The following COL1A1 variants were observed in gnomAD, a reference collection of about 807,000 sequenced individuals.
COL1A1 encodes the protein collagen alpha-1(I) chain.
In COL1A1, 21 loss-of-function variants were observed where a neutral mutation model predicts 195.7. The ratio of observed to expected loss-of-function variants is 0.11; its 90% CI spans 0.08 to 0.15. The LOEUF (loss-of-function observed/expected upper bound fraction) is 0.15. Among genes scored for constraint, COL1A1 ranks in the 10% least tolerant of loss-of-function variants. The pLI is 1.00. For missense variants in COL1A1, 1,365 were observed against 2,051.0 expected (o/e 0.67, Z 6.46); for synonymous variants, 749 against 747.3 (o/e 1.00, Z -0.04).
In COL1A1 at chr17:50,185,367, T is replaced by C; in HGVS notation, c.*135A>G. The stretch of plus-strand genomic sequence containing the variant: ...GAGAGATGAATGCAAAGGAAAAAAA[T>C]ATTTTCCAAAGTCCATGTGAAATTG... On this transcript the variant is annotated 3_prime_UTR_variant, in exon 51 of 51. Coordinates refer to ENST00000225964, the MANE Select transcript of COL1A1 (RefSeq NM_000088.4). 2 of 966,168 alleles carry C rather than the reference T, an allele frequency of 2.1e-6. No individual in the cohort carries two copies. The highest frequency in any genetic ancestry group is 3.1e-6 in the Non-Finnish European group (2 of 651,952). 59.8% of individuals were successfully genotyped at this position (966,168 alleles called of 1,614,324 possible).
rs766386485 is a variant in COL1A1 at position 50,185,635 on chromosome 17, G to A, written c.4262C>T (p.Ala1421Val). 8.1e-6 allele frequency: 13 copies of A among 1,613,880 alleles called. No homozygotes were observed. The highest frequency in any genetic ancestry group is 1.1e-5 in the Non-Finnish European group (13 of 1,180,012). Reference protein sequence around the residue: ...TVDGCTSHTGAWGKTVIEYKT... With the variant: ...TVDGCTSHTGVWGKTVIEYKT... ...GTATTCAATCACTGTCTTGCCCCAG[G>A]CTCCGGTGTGACTCTGGGGTGGGGC... is the stretch of plus-strand genomic sequence containing the variant. The change falls in exon 51 of 51, where the codon GCC becomes GTC. Residue 1421 changes from alanine (A) to valine (V), a missense_variant. Physicochemically the swap from Ala to Val is moderately conservative, Grantham distance 64 (BLOSUM62 0). Transcript: ENST00000225964.
Position 50,190,638 on chromosome 17 carries a change from T to A in COL1A1, c.2344-42A>T. On this transcript the variant is annotated intron_variant, in intron 33 of 50. Transcript: ENST00000225964. The surrounding 1 kb of genome is among the most constrained non-coding windows in gnomAD (Gnocchi z 4.7). The stretch of plus-strand genomic sequence containing the variant: ...AGAGGCTCAGGGTCAGGGCCTCCCC[T>A]GAATACTCCTAGTAGATGACCCCAG... 6.2e-7 allele frequency: 1 copy of A among 1,604,668 alleles called. No individual in the cohort carries two copies. Among genetic ancestry groups the A allele is most frequent in the Non-Finnish European group, 8.5e-7 (1 of 1,172,958 alleles).
intron 32 of COL1A1, 145 bp downstream of exon 32, chr17:50,191,238 A>G (rs1196023577): frequency 1.2e-6 from 1 of 830,832 alleles, no homozygotes; most frequent in African/African-American, 1.7e-5. Flanking sequence ...ATTCATCAGC[A>G]AAAAGGCCAG....
In COL1A1 at chr17:50,194,328, G is replaced by A; in HGVS notation, c.1614+21C>T. On this transcript the variant is annotated intron_variant, in intron 23 of 50. Coordinates refer to ENST00000225964, the MANE Select transcript of COL1A1 (RefSeq NM_000088.4). This position sits in a 1 kb window ranked among gnomAD's most constrained non-coding sequence, Gnocchi z 6.8. Reference sequence around the variant, plus strand: ...GATGGTCAGGGCCTGGCCAAGCCAGGCTGAAAGCCTGGGGCCTCACCTTGG... The same window carrying A: ...GATGGTCAGGGCCTGGCCAAGCCAGACTGAAAGCCTGGGGCCTCACCTTGG... The A allele has an allele frequency of 6.2e-7, 1 of 1,613,784 alleles. No individual in the cohort carries two copies. The highest frequency in any genetic ancestry group is 8.5e-7 in the Non-Finnish European group (1 of 1,179,800).
At position 50,193,005 on chromosome 17, in the gene COL1A1, G is replaced by C. The variant is rs868525869; in HGVS notation, c.1810C>G (p.Pro604Ala). 23 of 1,614,138 alleles carry C rather than the reference G, an allele frequency of 1.4e-5. No individual in the cohort carries two copies. Among genetic ancestry groups the C allele is most frequent in the Non-Finnish European group, 1.9e-5 (23 of 1,180,024 alleles). Reference protein sequence around the residue: ...KAGERGVPGPPGAVGPAGKDG... With the variant: ...KAGERGVPGPAGAVGPAGKDG... ...AAGGAGATACTTACGACAGCGCCAGGGGGTCCGGGAACACCTCGCTCTCCA... is the reference window on the plus strand; with the variant it reads ...AAGGAGATACTTACGACAGCGCCAGCGGGTCCGGGAACACCTCGCTCTCCA... The change falls in exon 26 of 51, where the codon CCT becomes GCT. Residue 604 changes from proline to alanine, a missense_variant. Transcript: ENST00000225964.
At chr17:50,196,904 C>T (rs1907638914) in intron 11 of COL1A1, 106 bp downstream of exon 11, 1 of 1,339,600 alleles carries the variant, frequency 7.5e-7, no homozygotes, top group Non-Finnish European at 1.1e-6. Flanking sequence ...ACTTCTGTAG[C>T]TGCCACCCAC....
At chr17:50,191,638 A>G in intron 31 of COL1A1, 148 bp from the exon 32 acceptor site, 5 of 1,103,114 alleles carry the variant, frequency 4.5e-6, no homozygotes, top group Non-Finnish European at 6.7e-6. Context: ...CCCAGACTCC[A>G]GGCTGTGTGT....
In COL1A1 at chr17:50,200,164, C is replaced by A. The variant is rs1265916962; in HGVS notation, c.104-217G>T. ...GGAGGCTGTAACTCTTTCCAGTTCT[C>A]AGGAATTTAAACAAAGCTTTAGTCC... On this transcript the variant is annotated intron_variant, in intron 1 of 50. Transcript: ENST00000225964. 4 of 605,048 alleles carry A rather than the reference C, an allele frequency of 6.6e-6. No homozygotes were observed. The Admixed American group carries it at 1.1e-4, about 17-fold the overall frequency. 37.5% of individuals were successfully genotyped at this position (605,048 alleles called of 1,614,324 possible). A position where few individuals can be genotyped will look rare whatever the true frequency, so the allele number is the denominator to read the frequency against.
chr17:50,190,639 G>A lies in COL1A1; in HGVS notation c.2344-43C>T, dbSNP rs773295886. On this transcript the variant is annotated intron_variant, in intron 33 of 50. Transcript: ENST00000225964. This position sits in a 1 kb window ranked among gnomAD's most constrained non-coding sequence, Gnocchi z 4.7. ...GAGGCTCAGGGTCAGGGCCTCCCCT[G>A]AATACTCCTAGTAGATGACCCCAGG... is the stretch of plus-strand genomic sequence containing the variant. 6.2e-7 allele frequency: 1 copy of A among 1,603,880 alleles called. No individual in the cohort carries two copies. Among genetic ancestry groups the A allele is most frequent in the East Asian group, 2.2e-5 (1 of 44,744 alleles).
rs1156313382 is a variant in COL1A1, at chr17:50,195,271, G to T, written c.1260C>A (p.Pro420=). ...GACCAGGAGGGCCGCCGGGGCCCTGGGGTCCAGAGGGGCCTCGGGCACCAG... is the reference window on the plus strand; with the variant it reads ...GACCAGGAGGGCCGCCGGGGCCCTGTGGTCCAGAGGGGCCTCGGGCACCAG... ...GFPGARGPSG[P]QGPGGPPGPK... The change falls in exon 19 of 51, where the codon CCC becomes CCA. Residue 420 remains proline, a synonymous_variant. Coordinates refer to ENST00000225964, the MANE Select transcript of COL1A1 (RefSeq NM_000088.4). The surrounding 1 kb of genome is among the most constrained non-coding windows in gnomAD (Gnocchi z 4.3). 2 of 1,613,582 alleles carry T rather than the reference G, an allele frequency of 1.2e-6. No homozygotes were observed. The highest frequency in any genetic ancestry group is 1.7e-6 in the Non-Finnish European group (2 of 1,179,754).
chr17:50,190,181 A>G lies in COL1A1; in HGVS notation c.2452-73T>C. The G allele has an allele frequency of 7.4e-7, 1 of 1,350,686 alleles. No individual in the cohort carries two copies. Among genetic ancestry groups the G allele is most frequent in the Non-Finnish European group, 1.1e-6 (1 of 940,712 alleles). The allele number at this position is 1,350,686 out of a possible 1,614,324, so 83.7% of individuals were successfully genotyped here. A position where few individuals can be genotyped will look rare whatever the true frequency, so the allele number is the denominator to read the frequency against. ...TCCACTACCTGGGGGAGGAGCAGTA[A>G]TGGAGGCAGGAAGATGCTTGGGTGG... On this transcript the variant is annotated intron_variant, in intron 35 of 50. Coordinates refer to ENST00000225964, the MANE Select transcript of COL1A1 (RefSeq NM_000088.4). The surrounding 1 kb of genome is among the most constrained non-coding windows in gnomAD (Gnocchi z 4.7).
At position 50,194,527 on chromosome 17, in the gene COL1A1, C is replaced by T; in HGVS notation, c.1515+46G>A. 4 of 1,611,386 alleles carry T rather than the reference C, an allele frequency of 2.5e-6. No individual in the cohort carries two copies. The highest frequency in any genetic ancestry group is 3.4e-6 in the Non-Finnish European group (4 of 1,178,672). ...CACGGGCCAAAAGAGGAAGAAGATG[C>T]CCAGGGAGCGGCAGGGTCAGCCCCC... On this transcript the variant is annotated intron_variant, in intron 22 of 50. Coordinates refer to ENST00000225964, the MANE Select transcript of COL1A1 (RefSeq NM_000088.4). This position sits in a 1 kb window ranked among gnomAD's most constrained non-coding sequence, Gnocchi z 6.8.
chr17:50,198,363 G>A, intron 6 of COL1A1, 70 bp downstream of exon 6: 1 of 1,570,960 alleles, frequency 6.4e-7, no homozygotes, highest in Non-Finnish European at 8.7e-7. Context: ...GTCTATACCA[G>A]CCGCCTATGC....
At chr17:50,200,091 C>G in intron 1 of COL1A1, 144 bp from the exon 2 acceptor site, 2 of 915,232 alleles carry the variant, frequency 2.2e-6, no homozygotes. Flanking sequence ...CTTAAAAGCT[C>G]GCCTGCTCCT....
chr17:50,185,465 G>A lies in COL1A1; in HGVS notation c.*37C>T, dbSNP rs758710876. ...TGTTTCCGGGTTGGGGGGAAAGTTG[G>A]TTGGGTGGGAGGGAGCCAGGTTGGG... On this transcript the variant is annotated 3_prime_UTR_variant, in exon 51 of 51. Coordinates refer to ENST00000225964, the MANE Select transcript of COL1A1 (RefSeq NM_000088.4). 8 of 1,613,148 alleles carry A rather than the reference G, an allele frequency of 5.0e-6. No homozygotes were observed. The East Asian group carries it at 1.3e-4, about 27-fold the overall frequency.
In COL1A1 at chr17:50,195,644, G is replaced by A; in HGVS notation, c.1078C>T (p.Pro360Ser). Residue 360 changes from proline (P) to serine (S), a missense_variant, in exon 17 of 51, where the codon CCC (proline) becomes TCC (serine). This residue lies in a region of COL1A1 where 226 missense variants were observed against 372.9 expected (regional missense o/e 0.61). Coordinates refer to ENST00000225964, the MANE Select transcript of COL1A1 (RefSeq NM_000088.4). The surrounding 1 kb of genome is among the most constrained non-coding windows in gnomAD (Gnocchi z 4.3). ...CCCTGGGGACCTTCAGAGCCTCGGG[G>A]CCCTTGGGGACCAGCTTCACCCTGA... ...GAKGEAGPQG[P>S]RGSEGPQGVR... The A allele has an allele frequency of 6.2e-7, 1 of 1,613,738 alleles. No homozygotes were observed. Among genetic ancestry groups the A allele is most frequent in the Non-Finnish European group, 8.5e-7 (1 of 1,179,886 alleles).
Position 50,186,517 on chromosome 17 carries a change from G to T in COL1A1, c.3815-10C>A. The T allele has an allele frequency of 6.2e-7, 1 of 1,614,116 alleles. No individual in the cohort carries two copies. The highest frequency in any genetic ancestry group is 1.3e-5 in the African/African-American group (1 of 75,014). On this transcript the variant is annotated splice_polypyrimidine_tract_variant and intron_variant, in intron 48 of 50. Transcript: ENST00000225964. This position sits in a 1 kb window ranked among gnomAD's most constrained non-coding sequence, Gnocchi z 5.3. ...TCAATCCAGTACTCTCCTGTGGTAG[G>T]GCAGGGCAAGATGGAGTCAGGGAAA...
chr17:50,193,055 G>A lies in COL1A1; in HGVS notation c.1768-8C>T, dbSNP rs193922142. 476 of 1,613,682 alleles carry A rather than the reference G, an allele frequency of 2.9e-4. No homozygotes were observed. Among genetic ancestry groups the A allele is most frequent in the Non-Finnish European group, 3.6e-4 (423 of 1,179,886 alleles). ...AGCCTTGCCGGGCTCTCCCTGTGGA[G>A]AAAGGGAGTTAGGGTTGAGGGGGCT... On this transcript the variant is annotated splice_region_variant and splice_polypyrimidine_tract_variant and intron_variant, in intron 25 of 50. Coordinates refer to ENST00000225964, the MANE Select transcript of COL1A1 (RefSeq NM_000088.4).
Position 50,193,982 on chromosome 17 carries a change from C to T in COL1A1, c.1728G>A (p.Gln576=), listed in dbSNP as rs1410003274. 1.9e-6 allele frequency: 3 copies of T among 1,614,184 alleles called. No homozygotes were observed. The highest frequency in any genetic ancestry group is 2.7e-5 in the African/African-American group (2 of 75,034). ...GTCCAGGGAATCCCATCACACCAGC[C>T]TGACCACGGGCACCAGGTGGGCCTG... The part of the protein sequence containing the change: ...GPPGPPGARG[Q]AGVMGFPGPK... Residue 576 remains glutamine, a synonymous_variant, in exon 25 of 51, where the codon CAG becomes CAA. Transcript: ENST00000225964.
Sources: allele counts gnomAD v4.1 joint callset, GRCh38; gene constraint gnomAD v4.1.1; regional missense constraint gnomAD v4.1.1; non-coding constraint Gnocchi (gnomAD v3.1); transcripts MANE v1.5; gene names NCBI Gene and HGNC (gene_info 2026-07-23, HGNC 2026-07-21).